Variants in WDR81 observed in about 807,000 individuals in gnomAD.
The protein encoded by WDR81 is WD repeat domain 81.
WDR81 carries 92 observed loss-of-function variants against 140.8 expected under a neutral mutation model. The ratio of observed to expected loss-of-function variants is 0.65; its 90% confidence interval spans 0.55 to 0.78. The LOEUF is 0.78. WDR81 is among the 30% of genes least tolerant of loss of function. The probability of loss-of-function intolerance (pLI) is 0.00; values close to 1 mark genes in which losing one functional copy is unlikely to be tolerated. For missense variants in WDR81, 2,502 were observed against 2,636.4 expected, an observed-to-expected ratio of 0.95 and a Z score of 1.12; for synonymous variants, 1,183 against 1,156.4, an observed-to-expected ratio of 1.02 and a Z score of -0.47.
upstream of WDR81, among the ~76,000 whole-genome samples, chr17:1,721,665 A>G (rs1383126955): frequency 6.6e-6 from 1 of 151,478 alleles, no homozygotes; most frequent in African/African-American, 2.4e-5. Flanking sequence ...CTACAAAAAT[A>G]CAAAAAATTA....
rs747303909 is a variant in WDR81 at position 1,726,249 on chromosome 17, C to A, written c.1290C>A (p.Gly430=). The change falls in exon 1 of 10, where the codon GGC becomes GGA. Residue 430 remains glycine (G), a synonymous_variant. Coordinates refer to ENST00000409644, the MANE Select transcript of WDR81 (RefSeq NM_001163809.2). ...AGGCATTCGTAGCAGGCGGGGCGGG[C>A]GGCGGGGAACCCCCTCATGTTCCCC... The part of the protein sequence containing the change: ...TRQAFVAGGA[G]GGEPPHVPHH... The A allele has an allele frequency of 6.5e-7, 1 of 1,526,740 alleles. No individual in the cohort carries two copies. The highest frequency in any genetic ancestry group is 1.4e-5 in the African/African-American group (1 of 72,848). 94.6% of individuals were successfully genotyped at this position (1,526,740 alleles called of 1,614,324 possible).
Position 1,730,474 on chromosome 17 carries a change from G to T in WDR81, c.3762G>T (p.Thr1254=). Residue 1254 remains threonine, a synonymous_variant, in exon 2 of 10, where the codon ACG becomes ACT. Transcript: ENST00000409644. ...HVARNLLRLL[T]SCYVGPTRQQ... is the part of the protein sequence containing the mutation. ...CCCGGAACCTGCTCCGCCTGCTGAC[G>T]TCTTGTTATGTTGGTAAGGAGGCCT... is the stretch of plus-strand genomic sequence containing the variant. 6.2e-7 allele frequency: 1 copy of T among 1,613,018 alleles called. No individual in the cohort carries two copies. The highest frequency in any genetic ancestry group is 8.5e-7 in the Non-Finnish European group (1 of 1,179,820).
At chr17:1,736,377 C>T (rs908926927) in intron 9 of WDR81, among the ~76,000 whole-genome samples, 159 bp downstream of exon 9, 10 of 152,272 alleles carry the variant, frequency 6.6e-5, no homozygotes, top group African/African-American at 2.2e-4. Context: ...CCTCTCGGTC[C>T]ACCTTGGGAG....
Position 1,725,768 on chromosome 17 carries a change from C to T in WDR81, c.809C>T (p.Ala270Val), listed in dbSNP as rs1915199070. 1.3e-6 allele frequency: 2 copies of T among 1,550,540 alleles called. No individual in the cohort carries two copies. Among genetic ancestry groups the T allele is most frequent in the African/African-American group, 2.7e-5 (2 of 73,070 alleles). Reference sequence around the variant, plus strand: ...TTCATTCTCTTCCGCGTGCTGAGGGCTATGGACGCCTGTCACCGCCAGGGG... The same window carrying T: ...TTCATTCTCTTCCGCGTGCTGAGGGTTATGGACGCCTGTCACCGCCAGGGG... ...VLFILFRVLR[A>V]MDACHRQGLA... Residue 270 changes from alanine (A) to valine (V), a missense_variant, in exon 1 of 10, where the codon GCT (alanine) becomes GTT (valine). By Grantham distance (64) the Ala-to-Val change is moderately conservative. Coordinates refer to ENST00000409644, the MANE Select transcript of WDR81 (RefSeq NM_001163809.2).
intron 2 of WDR81, 52 bp downstream of exon 2, chr17:1,730,539 T>G (rs766198796): frequency 6.4e-7 from 1 of 1,562,736 alleles, no homozygotes; most frequent in Admixed American, 1.8e-5. Flanking sequence ...CCAGGCCCTC[T>G]GCCTAGCTTC....
rs1346427335 is a variant in WDR81, at chr17:1,727,001, C to T, written c.2042C>T (p.Ser681Phe). 3 of 1,550,400 alleles carry T rather than the reference C, an allele frequency of 1.9e-6. No homozygotes were observed. Among genetic ancestry groups the T allele is most frequent in the East Asian group, 2.4e-5 (1 of 40,934 alleles). ...LAGKAGDQLG[S>F]SSQASPGLLS... ...GGGAAAGCAGGTGACCAGCTGGGCT[C>T]CTCCAGTCAAGCGTCCCCTGGACTT... The change falls in exon 1 of 10, where the codon TCC becomes TTC. Residue 681 changes from serine (S) to phenylalanine (F), a missense_variant. By Grantham distance (155) the Ser-to-Phe change is radical (BLOSUM62 -2). Coordinates refer to ENST00000409644, the MANE Select transcript of WDR81 (RefSeq NM_001163809.2).
At chr17:1,718,180 C>T (rs989730627) in intron 1 of WDR81, among the ~76,000 whole-genome samples, 5 of 151,860 alleles carry the variant, frequency 3.3e-5, no homozygotes, top group East Asian at 1.9e-4. Flanking sequence ...TGCAGTGGCG[C>T]GATCTCGGCT....
In WDR81 at chr17:1,725,584, C is replaced by A. The variant is rs1023998007; in HGVS notation, c.625C>A (p.Pro209Thr). The stretch of plus-strand genomic sequence containing the variant: ...ATATGCCAGAGAAGGCCCCTGCCCC[C>A]CTCGGGGCAGCCCTGCTTGCCCTAG... ...PSYAREGPCP[P>T]RGSPACPSLL... The change falls in exon 1 of 10, where the codon CCT becomes ACT. Residue 209 changes from proline to threonine, a missense_variant. This residue lies in a region of WDR81 where 547 missense variants were observed against 513.8 expected (regional missense o/e 1.06). Transcript: ENST00000409644. 8 of 1,545,106 alleles carry A rather than the reference C, an allele frequency of 5.2e-6. No homozygotes were observed. In the African/African-American group the frequency reaches 8.2e-5, roughly 16 times the overall value.
At position 1,738,336 on chromosome 17, in the gene WDR81, CT is replaced by C. The variant is rs141905948; in HGVS notation, c.*652del. On this transcript the variant is annotated 3_prime_UTR_variant, in exon 10 of 10. Coordinates refer to ENST00000409644, the MANE Select transcript of WDR81 (RefSeq NM_001163809.2). ...GAGTCCATGCGTTGTCTGCCCACCC[CT>C]ACCACAGTGTTTGTGCCTTCAGCTG... 2,725 of 154,786 alleles carry C rather than the reference CT, an allele frequency of 0.018. 93 individuals are homozygous for C. The highest frequency in any genetic ancestry group is 0.062 in the African/African-American group (2,568 of 41,598). The allele number at this position is 154,786 out of a possible 1,614,324, so 9.6% of individuals were successfully genotyped here. A position where few individuals can be genotyped will look rare whatever the true frequency, so the allele number is the denominator to read the frequency against.
In WDR81 at chr17:1,725,913, T is replaced by A. The variant is rs1915211928; in HGVS notation, c.954T>A (p.Pro318=). 1 of 1,550,826 alleles carries A rather than the reference T, an allele frequency of 6.4e-7. No individual in the cohort carries two copies. The change falls in exon 1 of 10, where the codon CCT becomes CCA. Residue 318 remains proline (P), a synonymous_variant. Coordinates refer to ENST00000409644, the MANE Select transcript of WDR81 (RefSeq NM_001163809.2). ...AGGAGGACGAGAATGAGGAGGCCCC[T>A]GTGGCAAGGGATGAGGCGGGCATTG... ...RPEEDENEEA[P]VARDEAGIVS... is the part of the protein sequence containing the mutation.
upstream of WDR81, among the ~76,000 whole-genome samples, chr17:1,719,819 A>G (rs999982330): frequency 6.6e-6 from 1 of 152,106 alleles, no homozygotes; most frequent in Non-Finnish European, 1.5e-5. Context: ...CCTGGGCAAC[A>G]TGATGAAACT....
At chr17:1,732,520 TG>T (rs2151171800) in intron 5 of WDR81, 30 bp downstream of exon 5, 2 of 941,722 alleles carry the variant, frequency 2.1e-6, no homozygotes, top group South Asian at 2.6e-5. Context: ...CAGGGCGGGC[TG>T]GGGCGGGGGC....
chr17:1,719,930 C>T (rs1272757686), upstream of WDR81, among the ~76,000 whole-genome samples: 2 of 149,900 alleles, frequency 1.3e-5, no homozygotes, highest in African/African-American at 4.9e-5. Flanking sequence ...GCCAAGATGG[C>T]GCCACTGCAC....
intron 7 of WDR81, among the ~76,000 whole-genome samples, chr17:1,734,491 T>G (rs1283316741): frequency 6.6e-6 from 1 of 152,158 alleles, no homozygotes; most frequent in Non-Finnish European, 1.5e-5. Flanking sequence ...GCGTAGAAGA[T>G]AACACACAGC....
rs1904310427 is a variant in WDR81 at position 1,730,861 on chromosome 17, T to C, written c.3882T>C (p.Pro1294=). ...RPVLGDIVSG[P]VLSCLLHIAR... ...TCCTGGGCGACATCGTGTCAGGGCC[T>C]GTGCTCAGCTGCCTCCTCCACATCG... The change falls in exon 3 of 10, where the codon CCT becomes CCC. Residue 1294 remains proline (P), a synonymous_variant. Transcript: ENST00000409644. 1 of 1,612,900 alleles carries C rather than the reference T, an allele frequency of 6.2e-7. No homozygotes were observed. The highest frequency in any genetic ancestry group is 8.5e-7 in the Non-Finnish European group (1 of 1,179,968).
rs189076592 is a variant in WDR81, at chr17:1,737,044, C to T, written c.5506-321C>T. 1.8e-3 allele frequency among the ~76,000 whole-genome samples: 272 copies of T among 152,330 alleles called. 4 individuals are homozygous for T. Among genetic ancestry groups the T allele is most frequent in the African/African-American group, 6.2e-3 (258 of 41,568 alleles). ...ATGGTTACTTCACTTCTCTGAGCCT[C>T]ACTTTTCCTGTTTGTGAAATGGGGA... On this transcript the variant is annotated intron_variant, in intron 9 of 9. Coordinates refer to ENST00000409644, the MANE Select transcript of WDR81 (RefSeq NM_001163809.2).
chr17:1,727,668 T>C lies in WDR81; in HGVS notation c.2709T>C (p.Phe903=). ...EDEAQGRELV[F]ALWQQLGAVL... is the part of the protein sequence containing the mutation. ...AGGCCCAGGGGCGCGAGCTGGTGTT[T>C]GCTCTGTGGCAGCAGCTGGGCGCGG... The change falls in exon 1 of 10, where the codon TTT becomes TTC. Residue 903 remains phenylalanine (F), a synonymous_variant. Transcript: ENST00000409644. 1 of 1,550,558 alleles carries C rather than the reference T, an allele frequency of 6.4e-7. No individual in the cohort carries two copies. The highest frequency in any genetic ancestry group is 8.7e-7 in the Non-Finnish European group (1 of 1,146,996).
In WDR81 at chr17:1,733,971, C is replaced by T. The variant is rs370439526; in HGVS notation, c.4934C>T (p.Pro1645Leu). 9.3e-6 allele frequency: 15 copies of T among 1,612,818 alleles called. No individual in the cohort carries two copies. Among genetic ancestry groups the T allele is most frequent in the East Asian group, 2.2e-5 (1 of 44,876 alleles). The change falls in exon 7 of 10, where the codon CCG (proline) becomes CTG (leucine). Residue 1645 changes from proline (P) to leucine (L), a missense_variant. By Grantham distance (98) the Pro-to-Leu change is moderately conservative (BLOSUM62 -3). Around this residue, in one of 3 missense-constraint regions of WDR81, gnomAD observed 1,737 missense variants for 1,843.0 expected, o/e 0.94. Transcript: ENST00000409644. ...CACCAGATCCGCCTGCAGAGCTTCCCGGGCCACTCGGGGGCCGTCAAGTGC... is the reference window on the plus strand; with the variant it reads ...CACCAGATCCGCCTGCAGAGCTTCCTGGGCCACTCGGGGGCCGTCAAGTGC... Reference protein sequence around the residue: ...HFHQIRLQSFPGHSGAVKCVA... With the variant: ...HFHQIRLQSFLGHSGAVKCVA...
At chr17:1,730,690 C>T (rs1195383459) in intron 2 of WDR81, 65 bp from the exon 3 acceptor site, 2 of 1,531,072 alleles carry the variant, frequency 1.3e-6, no homozygotes, top group Non-Finnish European at 8.8e-7. Flanking sequence ...CAGCACAGCC[C>T]TGCAGGGCCA....
Sources: allele counts gnomAD v4.1 joint callset (sites outside exome capture counted in the v4.1 genomes callset), GRCh38; gene constraint gnomAD v4.1.1; regional missense constraint gnomAD v4.1.1; transcripts MANE v1.5; gene names NCBI Gene and HGNC (gene_info 2026-07-23, HGNC 2026-07-21).